RET: variants seen among roughly 807,000 people sequenced by gnomAD.
RET encodes ret proto-oncogene, also known as proto-oncogene tyrosine-protein kinase receptor Ret.
In RET, 19 loss-of-function variants were observed where a neutral mutation model predicts 118.3. That is an observed-to-expected ratio of 0.16 (90% CI 0.11 to 0.24). RET has a LOEUF of 0.24. Ranked by LOEUF, RET falls within the 10% of genes least tolerant of loss-of-function variation. The pLI, the probability that RET is intolerant of heterozygous loss-of-function variation, is 1.00. For synonymous variants in RET, 597 were observed against 644.1 expected (o/e 0.93, Z 1.11); for missense variants, 1,219 against 1,502.1 (o/e 0.81, Z 3.12).
intron 1 of RET, among the ~76,000 whole-genome samples, chr10:43,079,228 C>G (rs527826844): frequency 6.6e-6 from 1 of 151,988 alleles, no homozygotes; most frequent in Admixed American, 6.6e-5. Flanking sequence ...TGCCCCTTCT[C>G]ACAGCACTTG....
chr10:43,115,805 A>T (rs887030343), intron 11 of RET, among the ~76,000 whole-genome samples: 4 of 152,222 alleles, frequency 2.6e-5, no homozygotes, highest in African/African-American at 9.6e-5. Context: ...TGTGGTAAAC[A>T]GGTTTCCAGT....
In RET at chr10:43,110,141, A is replaced by G. The variant is rs532225776; in HGVS notation, c.1263+911A>G. Among the ~76,000 whole-genome samples the G allele has an allele frequency of 5.9e-5, 9 of 152,110 alleles. No homozygotes were observed. The East Asian group carries it at 1.7e-3, about 30-fold the overall frequency. ...GAGTGGGATCAGAGACAGAGGGGCG[A>G]CAAGACAGAGGGCCCCGGGGGGTCT... On this transcript the variant is annotated intron_variant, in intron 6 of 19. Coordinates refer to ENST00000355710, the MANE Select transcript of RET (RefSeq NM_020975.6).
chr10:43,109,003 G>C (rs1354500299), intron 5 of RET, 28 bp from the exon 6 acceptor site: 1 of 1,607,030 alleles, frequency 6.2e-7, no homozygotes, highest in Admixed American at 1.7e-5. Context: ...GAGCAGCTTG[G>C]TGGTCATTGT....
Position 43,114,399 on chromosome 10 carries a change from A to T in RET, c.1880-81A>T. ...CGCGGACACGGCAGGCTGGAGAGCC[A>T]TGAGGCAGAGCATACGCAGCCTGTA... On this transcript the variant is annotated intron_variant, in intron 10 of 19. Transcript: ENST00000355710. This position sits in a 1 kb window ranked among gnomAD's most constrained non-coding sequence, Gnocchi z 4.6. 6.3e-7 allele frequency: 1 copy of T among 1,576,976 alleles called. No individual in the cohort carries two copies. Among genetic ancestry groups the T allele is most frequent in the South Asian group, 1.1e-5 (1 of 89,356 alleles).
intron 1 of RET, among the ~76,000 whole-genome samples, chr10:43,090,426 T>C (rs2435344): frequency 0.78 from 119,390 of 152,130 alleles, 47,901 homozygotes; most frequent in African/African-American, 0.95. Flanking sequence ...CAGAAGGCAG[T>C]TGAGACTGGG....
At chr10:43,088,910 C>A (rs1428865640) in intron 1 of RET, among the ~76,000 whole-genome samples, 1 of 152,214 alleles carries the variant, frequency 6.6e-6, no homozygotes, top group South Asian at 2.1e-4. Context: ...CTGCCTCTAC[C>A]TCCTGCTGCT....
rs1357812630 is a variant in RET at position 43,106,420 on chromosome 10, A to G, written c.912A>G (p.Val304=). 6.2e-7 allele frequency: 1 copy of G among 1,613,194 alleles called. No homozygotes were observed. Among genetic ancestry groups the G allele is most frequent in the Non-Finnish European group, 8.5e-7 (1 of 1,179,898 alleles). Residue 304 remains valine, a synonymous_variant, in exon 5 of 20, where the codon GTA becomes GTG. Transcript: ENST00000355710. The surrounding 1 kb of genome is among the most constrained non-coding windows in gnomAD (Gnocchi z 5.1). ...TGCGTGTCTTCGATGCAGACGTGGT[A>G]CCTGCATCAGGGGAGCTGGTGAGGC... ...ATLRVFDADV[V]PASGELVRRY...
chr10:43,091,947 T>TA (rs1837421160), intron 1 of RET, among the ~76,000 whole-genome samples: 1 of 151,988 alleles, frequency 6.6e-6, no homozygotes, highest in Admixed American at 6.6e-5. Context: ...CCTCAAAGGT[T>TA]AAACCTAGAG....
chr10:43,102,677 G>T, intron 3 of RET, 48 bp downstream of exon 3: 1 of 1,609,512 alleles, frequency 6.2e-7, no homozygotes, highest in Non-Finnish European at 8.5e-7. Flanking sequence ...GCTACTGCTG[G>T]TCTTGCTCTG....
At chr10:43,112,722 T>C in intron 8 of RET, 131 bp from the exon 9 acceptor site, 1 of 740,306 alleles carries the variant, frequency 1.4e-6, no homozygotes, top group Non-Finnish European at 2.4e-6. Context: ...CTGGCAAGGC[T>C]CTGTATATGG....
intron 1 of RET, among the ~76,000 whole-genome samples, chr10:43,083,093 T>C (rs1837220178): frequency 6.6e-6 from 1 of 152,156 alleles, no homozygotes; most frequent in Non-Finnish European, 1.5e-5. Flanking sequence ...GGCCTGGCCC[T>C]CCTCACCCAG....
rs1267691349 is a variant in RET, at chr10:43,118,435, A to G, written c.2347A>G (p.Asn783Asp). The G allele has an allele frequency of 6.2e-7, 1 of 1,614,120 alleles. No homozygotes were observed. Among genetic ancestry groups the G allele is most frequent in the South Asian group, 1.1e-5 (1 of 91,082 alleles). Residue 783 changes from asparagine to aspartate, a missense_variant, in exon 13 of 20, where the codon AAC (asparagine) becomes GAC (aspartate). This residue lies in a region of RET where 850 missense variants were observed against 969.6 expected (regional missense o/e 0.88). Coordinates refer to ENST00000355710, the MANE Select transcript of RET (RefSeq NM_020975.6). ...LSEFNVLKQV[N>D]HPHVIKLYGA... ...AGAGTTCAACGTCCTGAAGCAGGTC[A>G]ACCACCCACATGTCATCAAATTGTA...
rs1053383471 is a variant in RET, at chr10:43,111,485, A to G, written c.1522+20A>G. 18 of 893,696 alleles carry G rather than the reference A, an allele frequency of 2.0e-5. No individual in the cohort carries two copies. Among genetic ancestry groups the G allele is most frequent in the Non-Finnish European group, 3.0e-5 (17 of 571,754 alleles). The allele number at this position is 893,696 out of a possible 1,614,324, so 55.4% of individuals were successfully genotyped here. On this transcript the variant is annotated intron_variant, in intron 7 of 19. Coordinates refer to ENST00000355710, the MANE Select transcript of RET (RefSeq NM_020975.6). Reference sequence around the variant, plus strand: ...GGTCATGTGAGTGCCTGCTCCAGGGAGGGAGGGTCGGGGTCCTGGGGGCTT... The same window carrying G: ...GGTCATGTGAGTGCCTGCTCCAGGGGGGGAGGGTCGGGGTCCTGGGGGCTT...
chr10:43,084,164 T>C (rs1270137470), intron 1 of RET, among the ~76,000 whole-genome samples: 2 of 152,244 alleles, frequency 1.3e-5, no homozygotes, highest in Non-Finnish European at 2.9e-5. Flanking sequence ...TTGGCAGTTA[T>C]GAAAAATGCT....
chr10:43,110,015 G>T (rs1837879599), intron 6 of RET, among the ~76,000 whole-genome samples: 1 of 152,218 alleles, frequency 6.6e-6, no homozygotes, highest in Admixed American at 6.5e-5. Context: ...GGGTGGTTCT[G>T]TGCCCGCATC....
intron 6 of RET, among the ~76,000 whole-genome samples, chr10:43,109,721 C>T (rs532389429): frequency 6.6e-6 from 1 of 152,202 alleles, no homozygotes; most frequent in Admixed American, 6.5e-5. Flanking sequence ...ACTAGGTTTG[C>T]TAGAAAGCGT....
At chr10:43,095,405 G>A (rs569582675) in intron 1 of RET, among the ~76,000 whole-genome samples, 3 of 152,314 alleles carry the variant, frequency 2.0e-5, no homozygotes, top group South Asian at 2.1e-4. Context: ...GCCCTCCACC[G>A]ATGAAGCTTG....
intron 1 of RET, among the ~76,000 whole-genome samples, chr10:43,083,704 A>G (rs922487125): frequency 5.3e-5 from 8 of 152,210 alleles, no homozygotes; most frequent in Non-Finnish European, 7.3e-5. Flanking sequence ...TGGTCCACAT[A>G]GCAGGGGCTC....
At chr10:43,080,739 T>C (rs1484056667) in intron 1 of RET, among the ~76,000 whole-genome samples, 1 of 152,220 alleles carries the variant, frequency 6.6e-6, no homozygotes, top group East Asian at 1.9e-4. Context: ...TCTCGTCAGC[T>C]TTAGTTGATG....
Sources: allele counts gnomAD v4.1 joint callset (sites outside exome capture counted in the v4.1 genomes callset), GRCh38; gene constraint gnomAD v4.1.1; regional missense constraint gnomAD v4.1.1; non-coding constraint Gnocchi (gnomAD v3.1); transcripts MANE v1.5; gene names NCBI Gene and HGNC (gene_info 2026-07-23, HGNC 2026-07-21).